Variants in KLC1 observed in about 807,000 individuals in gnomAD.
KLC1 encodes the protein kinesin light chain 1, also known as kinesin 2 60/70kDa.
A neutral mutation model predicts 84.2 loss-of-function variants in KLC1; 30 were observed. The observed-to-expected ratio is 0.36, with a 90% confidence interval of 0.27 to 0.48. The LOEUF is 0.48. KLC1 is among the 20% of genes least tolerant of loss of function. The pLI is 0.99. For synonymous variants in KLC1, 289 were observed against 293.3 expected, an observed-to-expected ratio of 0.99 and a Z score of 0.15; for missense variants, 499 against 805.4, an observed-to-expected ratio of 0.62 and a Z score of 4.60.
chr14:103,657,923 A>G, intron 3 of KLC1, 147 bp downstream of exon 3: 1 of 680,604 alleles, frequency 1.5e-6, no homozygotes, highest in South Asian at 1.9e-5. Flanking sequence ...TATAAGCCAC[A>G]ATCCAGAGAG....
chr14:103,681,428 A>G (rs2081331173), intron 13 of KLC1, among the ~76,000 whole-genome samples: 1 of 152,006 alleles, frequency 6.6e-6, no homozygotes, highest in Non-Finnish European at 1.5e-5. Flanking sequence ...CAGAATGCTA[A>G]ACTCGACCAA....
At chr14:103,636,467 C>T (rs1159100318) in intron 1 of KLC1, among the ~76,000 whole-genome samples, 1 of 152,038 alleles carries the variant, frequency 6.6e-6, no homozygotes, top group Non-Finnish European at 1.5e-5. Flanking sequence ...TGATCACCCC[C>T]CATCGGCCTC....
At chr14:103,696,477 AC>A in intron 15 of KLC1, 4 of 984,988 alleles carry the variant, frequency 4.1e-6, no homozygotes, top group Non-Finnish European at 4.8e-6. Flanking sequence ...ATGTATCGTT[AC>A]AATGTATAAC....
At chr14:103,684,249 A>G (rs1329299564) in intron 13 of KLC1, among the ~76,000 whole-genome samples, 3 of 152,218 alleles carry the variant, frequency 2.0e-5, no homozygotes, top group Non-Finnish European at 1.5e-5. Context: ...CTGAGATCCT[A>G]CTGTATACAG....
chr14:103,700,336 C>G (rs1467435816), intron 15 of KLC1: 1 of 311,782 alleles, frequency 3.2e-6, no homozygotes, highest in Non-Finnish European at 5.9e-6. Flanking sequence ...GGCAGGTGTC[C>G]TCGGCCTCCC....
intron 14 of KLC1, among the ~76,000 whole-genome samples, chr14:103,690,704 A>G (rs1358876741): frequency 1.3e-5 from 2 of 152,164 alleles, no homozygotes; most frequent in Non-Finnish European, 2.9e-5. Flanking sequence ...TAGCTTTAAA[A>G]CTTCAGGGGA....
intron 14 of KLC1, among the ~76,000 whole-genome samples, chr14:103,690,595 G>A (rs773152132): frequency 7.3e-5 from 11 of 151,186 alleles, no homozygotes; most frequent in Non-Finnish European, 1.5e-4. Flanking sequence ...CACAGCCACC[G>A]TCCTTGGCTT....
chr14:103,685,090 C>T lies in KLC1; in HGVS notation c.1651-1991C>T, dbSNP rs73363059. ...CTGCCGTCTGGCGCTTCTGTCGAGA[C>T]GTCGGCTTTCCAACCTGGCAGGACC... On this transcript the variant is annotated intron_variant, in intron 13 of 16. Transcript: ENST00000334553. 1.9e-3 allele frequency: 2,862 copies of T among 1,532,648 alleles called. 47 individuals carry two copies. The African/African-American group carries it at 0.034, about 18-fold the overall frequency. 94.9% of individuals were successfully genotyped at this position (1,532,648 alleles called of 1,614,324 possible).
At chr14:103,656,133 G>A (rs2078823086) in intron 2 of KLC1, among the ~76,000 whole-genome samples, 1 of 152,180 alleles carries the variant, frequency 6.6e-6, no homozygotes, top group African/African-American at 2.4e-5. Context: ...GGAAGGACGT[G>A]CCTCCTTCCT....
chr14:103,672,631 G>T (rs548948786), intron 7 of KLC1, among the ~76,000 whole-genome samples: 1 of 152,292 alleles, frequency 6.6e-6, no homozygotes, highest in South Asian at 2.1e-4. Flanking sequence ...AACTGGGACA[G>T]CTGTGGGCTC....
chr14:103,673,594 T>C (rs534282190), intron 9 of KLC1, among the ~76,000 whole-genome samples, 163 bp downstream of exon 9: 1 of 152,310 alleles, frequency 6.6e-6, no homozygotes, highest in African/African-American at 2.4e-5. Flanking sequence ...ACAGCAGTCT[T>C]GTGCAGCGGG....
chr14:103,640,018 G>A lies in KLC1; in HGVS notation c.-2+10524G>A, dbSNP rs562771589. On this transcript the variant is annotated intron_variant, in intron 1 of 16. Transcript: ENST00000334553. ...GATCCACCCGCCTTGGCCTCCCAAA[G>A]TGCTGGGATTACAGGCGTGAGCCAC... Among the ~76,000 whole-genome samples the A allele has an allele frequency of 7.9e-5, 12 of 152,030 alleles. No homozygotes were observed. The South Asian group carries it at 2.5e-3, about 32-fold the overall frequency.
intron 15 of KLC1, chr14:103,696,105 G>GCC (rs1235958778): frequency 3.2e-5 from 12 of 380,816 alleles, no homozygotes; most frequent in East Asian, 2.7e-4. Flanking sequence ...CCCGCCCCCC[G>GCC]CCCCCCCCCA....
chr14:103,698,822 C>T (rs2082807082), intron 15 of KLC1: 2 of 1,603,392 alleles, frequency 1.2e-6, no homozygotes, highest in African/African-American at 1.3e-5. Context: ...TCCCAGGTGT[C>T]CCTCGCACCC....
chr14:103,648,357 C>G (rs1275486257), intron 1 of KLC1, among the ~76,000 whole-genome samples: 1 of 152,120 alleles, frequency 6.6e-6, no homozygotes, highest in African/African-American at 2.4e-5. Flanking sequence ...ATTTTTTACT[C>G]CTGGCAAGTT....
At chr14:103,651,923 G>A (rs891650851) in intron 1 of KLC1, among the ~76,000 whole-genome samples, 1 of 152,230 alleles carries the variant, frequency 6.6e-6, no homozygotes, top group African/African-American at 2.4e-5. Flanking sequence ...CCGCCACACA[G>A]CCACTGTCCC....
chr14:103,645,757 C>A (rs986652155), intron 1 of KLC1, among the ~76,000 whole-genome samples: 2 of 129,714 alleles, frequency 1.5e-5, no homozygotes, highest in Non-Finnish European at 3.4e-5. Flanking sequence ...ATAGGTGTTA[C>A]AATCCTTTTT....
chr14:103,636,767 G>A (rs2077072743), intron 1 of KLC1, among the ~76,000 whole-genome samples: 1 of 151,918 alleles, frequency 6.6e-6, no homozygotes, highest in African/African-American at 2.4e-5. Flanking sequence ...CTGTTGCCCA[G>A]GCTTGAGTGC....
intron 3 of KLC1, among the ~76,000 whole-genome samples, chr14:103,660,591 C>T (rs766366967): frequency 2.0e-5 from 3 of 151,588 alleles, no homozygotes; most frequent in Non-Finnish European, 2.9e-5. Context: ...GAGTTCAAGA[C>T]CAGCCTGGCC....
Sources: allele counts gnomAD v4.1 joint callset (sites outside exome capture counted in the v4.1 genomes callset), GRCh38; gene constraint gnomAD v4.1.1; transcripts MANE v1.5; gene names NCBI Gene and HGNC (gene_info 2026-07-23, HGNC 2026-07-21).